CAMKK2: variants seen among roughly 807,000 people sequenced by gnomAD.
CAMKK2 encodes calcium/calmodulin dependent protein kinase kinase 2, also known as calcium/calmodulin-dependent protein kinase kinase 2.
A neutral mutation model predicts 67.2 loss-of-function variants in CAMKK2; 30 were observed. The ratio of observed to expected loss-of-function variants is 0.45; its 90% CI spans 0.33 to 0.61. CAMKK2 has a LOEUF of 0.61. CAMKK2 is among the 20% of genes least tolerant of loss of function. The pLI is 0.02. For missense variants in CAMKK2, 643 were observed against 802.0 expected, an observed-to-expected ratio of 0.80 and a Z score of 2.39; for synonymous variants, 322 against 326.2, an observed-to-expected ratio of 0.99 and a Z score of 0.14.
At chr12:121,290,686 T>C (rs1194122710) in intron 1 of CAMKK2, among the ~76,000 whole-genome samples, 5 of 152,012 alleles carry the variant, frequency 3.3e-5, no homozygotes, top group Admixed American at 3.3e-4. Context: ...TGAGATCCCA[T>C]CTCAAAACAC....
rs1045119243 is a variant in CAMKK2, at chr12:121,269,664, C to T, written c.520-83G>A. The T allele has an allele frequency of 5.6e-6, 6 of 1,077,286 alleles. No individual in the cohort carries two copies. In the East Asian group the frequency reaches 7.6e-5, roughly 14 times the overall value. The allele number at this position is 1,077,286 out of a possible 1,614,324, so 66.7% of individuals were successfully genotyped here. A position where few individuals can be genotyped will look rare whatever the true frequency, so the allele number is the denominator to read the frequency against. ...GAACCCTAATACAGACGTTGCAAACCGGCAGCCCATTGGTCAAATCTGTCC... is the reference window on the plus strand; with the variant it reads ...GAACCCTAATACAGACGTTGCAAACTGGCAGCCCATTGGTCAAATCTGTCC... On this transcript the variant is annotated intron_variant, in intron 3 of 16. Coordinates refer to ENST00000404169, the MANE Select transcript of CAMKK2 (RefSeq NM_001270485.2).
rs1411949258 is a variant in CAMKK2, at chr12:121,274,503, C to T, written c.24G>A (p.Gln8=). 1.2e-6 allele frequency: 2 copies of T among 1,611,946 alleles called. No homozygotes were observed. The highest frequency in any genetic ancestry group is 1.3e-5 in the African/African-American group (1 of 74,920). Residue 8 remains glutamine (Q), a synonymous_variant, in exon 2 of 17, where the codon CAG becomes CAA. Transcript: ENST00000404169. MSSCVSS[Q]PSSNRAAPQD... ...GGGGGGCGGCCCGGTTGCTGCTGGGCTGGCTAGAGACACATGATGACATGG... is the reference window on the plus strand; with the variant it reads ...GGGGGGCGGCCCGGTTGCTGCTGGGTTGGCTAGAGACACATGATGACATGG...
chr12:121,256,434 C>A (rs769192075), intron 7 of CAMKK2, among the ~76,000 whole-genome samples: 1 of 152,124 alleles, frequency 6.6e-6, no homozygotes, highest in Admixed American at 6.6e-5. Context: ...CATTTTAAAG[C>A]GTGCAATTGA....
chr12:121,283,720 C>T (rs867174357), intron 1 of CAMKK2, among the ~76,000 whole-genome samples: 23 of 152,060 alleles, frequency 1.5e-4, no homozygotes, highest in African/African-American at 7.3e-5. Flanking sequence ...GAGGCTGAGG[C>T]GGGAGGATGG....
At chr12:121,271,404 C>G (rs548451807) in intron 2 of CAMKK2, among the ~76,000 whole-genome samples, 15 of 152,234 alleles carry the variant, frequency 9.9e-5, no homozygotes, top group African/African-American at 2.9e-4. Flanking sequence ...TGCCCTCCCC[C>G]AGGTGGCCAC....
intron 7 of CAMKK2, among the ~76,000 whole-genome samples, chr12:121,256,397 A>G (rs985158969): frequency 1.3e-5 from 2 of 152,166 alleles, no homozygotes; most frequent in Non-Finnish European, 2.9e-5. Flanking sequence ...TTTCTTTGAG[A>G]TGAAATTTAC....
At chr12:121,247,338 C>T (rs1406752802) in intron 14 of CAMKK2, among the ~76,000 whole-genome samples, 2 of 152,160 alleles carry the variant, frequency 1.3e-5, no homozygotes, top group Non-Finnish European at 2.9e-5. Context: ...GCCCCTGCTC[C>T]CAGCACAGGC....
At chr12:121,266,557 C>T (rs1024380767) in intron 5 of CAMKK2, among the ~76,000 whole-genome samples, 14 of 147,668 alleles carry the variant, frequency 9.5e-5, no homozygotes, top group Non-Finnish European at 1.3e-4. Flanking sequence ...AGTGCAGTGG[C>T]GCGATCTCGG....
At chr12:121,255,304 T>TATATATAATTATATA (rs1891870229) in intron 9 of CAMKK2, among the ~76,000 whole-genome samples, 1 of 6,002 alleles carries the variant, frequency 1.7e-4, no homozygotes, top group South Asian at 5.2e-3. Flanking sequence ...ATATATAATT[T>TATATATAATTATATA]TATATATAAT....
intron 7 of CAMKK2, among the ~76,000 whole-genome samples, chr12:121,259,976 G>A (rs1334290259): frequency 6.6e-6 from 1 of 152,200 alleles, no homozygotes; most frequent in Non-Finnish European, 1.5e-5. Flanking sequence ...CAGCTACTCA[G>A]GAGGCTGAGG....
intron 7 of CAMKK2, among the ~76,000 whole-genome samples, chr12:121,258,875 CTT>C (rs1346782410): frequency 6.9e-6 from 1 of 144,964 alleles, no homozygotes; most frequent in African/African-American, 2.6e-5. Context: ...GACAGTCTCA[CTT>C]TGTTGCCCAG....
chr12:121,249,270 G>A (rs567752353), intron 13 of CAMKK2, among the ~76,000 whole-genome samples: 1 of 152,352 alleles, frequency 6.6e-6, no homozygotes, highest in East Asian at 1.9e-4. Flanking sequence ...TGCCTAGGAA[G>A]TCCCAGGGCA....
intron 13 of CAMKK2, among the ~76,000 whole-genome samples, chr12:121,249,403 G>A (rs1022843846): frequency 6.6e-6 from 1 of 152,208 alleles, no homozygotes; most frequent in Non-Finnish European, 1.5e-5. Context: ...TGGGGAGGTC[G>A]AATTGCTCAT....
intron 6 of CAMKK2, among the ~76,000 whole-genome samples, chr12:121,262,952 G>A (rs1893761062): frequency 1.3e-5 from 2 of 151,918 alleles, no homozygotes. Context: ...AAGTGAAAGT[G>A]CTTTTGGGTC....
intron 16 of CAMKK2, chr12:121,244,048 A>G (rs528522523): frequency 1.9e-6 from 3 of 1,590,652 alleles, no homozygotes; most frequent in South Asian, 1.1e-5. Flanking sequence ...GGTGGCTGAC[A>G]GCAAGAAGGT....
intron 14 of CAMKK2, among the ~76,000 whole-genome samples, chr12:121,247,467 G>A (rs1889727471): frequency 6.6e-6 from 1 of 152,206 alleles, no homozygotes; most frequent in African/African-American, 2.4e-5. Context: ...AGGAAAGGGA[G>A]GGCAACTGAT....
intron 2 of CAMKK2, among the ~76,000 whole-genome samples, chr12:121,272,358 C>G (rs1566101798): frequency 1.3e-5 from 2 of 152,168 alleles, no homozygotes; most frequent in Admixed American, 1.3e-4. Flanking sequence ...AAAGGAACTA[C>G]AGATATACGC....
intron 13 of CAMKK2, 40 bp downstream of exon 13, chr12:121,249,747 A>G (rs1310255496): frequency 6.4e-7 from 1 of 1,566,702 alleles, no homozygotes; most frequent in African/African-American, 1.4e-5. Context: ...GGCTGAGCCA[A>G]ACAATTCCGA....
chr12:121,249,715 G>T (rs762516119), intron 13 of CAMKK2, 72 bp downstream of exon 13: 12 of 1,208,304 alleles, frequency 9.9e-6, no homozygotes, highest in African/African-American at 9.0e-5. Context: ...GGACACAAGG[G>T]TGTGGGGTCT....
Sources: allele counts gnomAD v4.1 joint callset (sites outside exome capture counted in the v4.1 genomes callset), GRCh38; gene constraint gnomAD v4.1.1; transcripts MANE v1.5; gene names NCBI Gene and HGNC (gene_info 2026-07-23, HGNC 2026-07-21).